The following GREB1L variants were observed in gnomAD, a reference collection of about 807,000 sequenced individuals.
The protein encoded by GREB1L is GREB1-like protein.
Under a neutral mutation model 200.8 loss-of-function variants are expected in GREB1L, and 17 were observed. The observed-to-expected ratio is 0.08, with a 90% CI of 0.06 to 0.13. The LOEUF (loss-of-function observed/expected upper bound fraction) is 0.13, where lower values mean the gene tolerates loss of function less well. GREB1L is among the 10% of genes least tolerant of loss of function. The pLI is 1.00. For synonymous variants in GREB1L, 789 were observed against 893.0 expected, an observed-to-expected ratio of 0.88 and a Z score of 2.08; for missense variants, 1,657 against 2,367.7, an observed-to-expected ratio of 0.70 and a Z score of 6.23.
chr18:21,521,794 A>G (rs143338396), intron 32 of GREB1L, among the ~76,000 whole-genome samples: 82 of 151,726 alleles, frequency 5.4e-4, no homozygotes, highest in African/African-American at 2.0e-3. Flanking sequence ...GGCTGAGCTC[A>G]GGAGTTTGAG....
At chr18:21,425,551 C>T (rs538790316) in intron 7 of GREB1L, among the ~76,000 whole-genome samples, 11 of 152,336 alleles carry the variant, frequency 7.2e-5, no homozygotes, top group Admixed American at 5.2e-4. Flanking sequence ...CTTACCAACA[C>T]TTGTTAATGT....
At chr18:21,469,639 G>A (rs2035403588) in intron 15 of GREB1L, among the ~76,000 whole-genome samples, 1 of 152,130 alleles carries the variant, frequency 6.6e-6, no homozygotes, top group Non-Finnish European at 1.5e-5. Flanking sequence ...AGCAGACAGA[G>A]CTAGGAAATG....
intron 16 of GREB1L, among the ~76,000 whole-genome samples, chr18:21,475,160 G>A (rs1369990263): frequency 6.6e-6 from 1 of 152,136 alleles, no homozygotes; most frequent in East Asian, 1.9e-4. Flanking sequence ...ATGAGCTCCT[G>A]GAAGGGAGAT....
Position 21,518,133 on chromosome 18 carries a change from A to G in GREB1L, c.5371A>G (p.Lys1791Glu), listed in dbSNP as rs1278008966. ...LAAPAQFLLE[K>E]FLQHASYKLF... ...AGCCCCTGCACAGTTTCTCCTGGAG[A>G]AATTCCTTCAGCACGCCTCATATAA... The change falls in exon 31 of 33, where the codon AAA becomes GAA. Residue 1791 changes from lysine (K) to glutamate (E), a missense_variant. Lys to Glu is a moderately conservative substitution (Grantham distance 56). Transcript: ENST00000424526. The G allele has an allele frequency of 6.4e-7, 1 of 1,551,670 alleles. No homozygotes were observed. The highest frequency in any genetic ancestry group is 2.0e-5 in the Admixed American group (1 of 50,992).
intron 1 of GREB1L, among the ~76,000 whole-genome samples, chr18:21,328,169 G>C (rs542671682): frequency 6.6e-6 from 1 of 150,420 alleles, no homozygotes; most frequent in African/African-American, 2.5e-5. Context: ...TCCTGATTCA[G>C]TGCCATTGCC....
At chr18:21,468,679 G>A (rs570529613) in intron 15 of GREB1L, 5 of 456,242 alleles carry the variant, frequency 1.1e-5, no homozygotes, top group East Asian at 6.9e-5. Flanking sequence ...TACTGTTAAC[G>A]AAAGATCTCA....
intron 2 of GREB1L, among the ~76,000 whole-genome samples, chr18:21,376,855 A>G (rs541528911): frequency 1.3e-5 from 2 of 151,060 alleles, no homozygotes; most frequent in Non-Finnish European, 2.9e-5. Context: ...TGTAATTTCC[A>G]GTATATACTT....
chr18:21,278,388 A>AAAT (rs1555624386), intron 1 of GREB1L, among the ~76,000 whole-genome samples: 13 of 138,398 alleles, frequency 9.4e-5, no homozygotes, highest in African/African-American at 3.9e-4. Flanking sequence ...CTCAAAAAAA[A>AAAT]AAAATAAATA....
chr18:21,306,020 T>C (rs2038693538), intron 1 of GREB1L, among the ~76,000 whole-genome samples: 1 of 152,206 alleles, frequency 6.6e-6, no homozygotes, highest in African/African-American at 2.4e-5. Flanking sequence ...TGTGTTAATT[T>C]TTATCCCATT....
At chr18:21,504,770 A>G (rs775929412) in intron 23 of GREB1L, among the ~76,000 whole-genome samples, 69 of 152,174 alleles carry the variant, frequency 4.5e-4, no homozygotes, top group Non-Finnish European at 3.7e-4. Flanking sequence ...TTGAGGCTGC[A>G]TTAATGCTTA....
At chr18:21,283,404 A>G (rs1363480041) in intron 1 of GREB1L, among the ~76,000 whole-genome samples, 3 of 152,220 alleles carry the variant, frequency 2.0e-5, no homozygotes, top group Non-Finnish European at 4.4e-5. Flanking sequence ...AAATTCCCAA[A>G]TGAAGAGGTG....
intron 1 of GREB1L, among the ~76,000 whole-genome samples, chr18:21,309,951 A>C (rs1430390583): frequency 6.6e-6 from 1 of 152,106 alleles, no homozygotes; most frequent in African/African-American, 2.4e-5. Flanking sequence ...AAATCTCAAT[A>C]GTTCTAAGGT....
intron 27 of GREB1L, 51 bp from the exon 28 acceptor site, chr18:21,513,770 G>A: frequency 6.6e-7 from 1 of 1,518,706 alleles, no homozygotes; most frequent in Admixed American, 2.0e-5. Context: ...CTTCAGCCAA[G>A]CCTGAGTGAA....
In GREB1L at chr18:21,366,058, TAGGCAAC is replaced by T. The variant is rs1392926097; in HGVS notation, c.-85_-79del. 6.6e-6 allele frequency: 1 copy of T among 152,202 alleles called. No individual in the cohort carries two copies. The highest frequency in any genetic ancestry group is 1.5e-5 in the Non-Finnish European group (1 of 68,016). The allele number at this position is 152,202 out of a possible 1,614,324, so 9.4% of individuals were successfully genotyped here. A position where few individuals can be genotyped will look rare whatever the true frequency, so the allele number is the denominator to read the frequency against. The stretch of plus-strand genomic sequence containing the variant: ...AAAAAGCTTTAAACAAGTTAAAATC[TAGGCAAC>T]AGACTCCCTGAAGTGTTGACTGCCC... On this transcript the variant is annotated 5_prime_UTR_variant, in exon 2 of 33. Transcript: ENST00000424526.
intron 9 of GREB1L, 43 bp from the exon 10 acceptor site, chr18:21,441,357 T>C: frequency 6.8e-7 from 1 of 1,481,266 alleles, no homozygotes; most frequent in East Asian, 2.5e-5. Flanking sequence ...GTATTTCATT[T>C]AGTTTTCACG....
chr18:21,443,435 G>A (rs981673517), intron 10 of GREB1L, among the ~76,000 whole-genome samples: 1 of 152,106 alleles, frequency 6.6e-6, no homozygotes, highest in African/African-American at 2.4e-5. Context: ...TCAAACTCCC[G>A]ACCTCAGGTG....
At chr18:21,350,630 GA>G (rs2143280475) in intron 1 of GREB1L, among the ~76,000 whole-genome samples, 1 of 152,278 alleles carries the variant, frequency 6.6e-6, no homozygotes, top group Non-Finnish European at 1.5e-5. Context: ...ACACAAAAAT[GA>G]TGTTTCCTAG....
chr18:21,347,760 AC>A, intron 1 of GREB1L, among the ~76,000 whole-genome samples: 1 of 100,218 alleles, frequency 1.0e-5, no homozygotes. Context: ...CAGCCCCCCG[AC>A]CTTTTTTTTT....
chr18:21,383,715 T>C (rs1425312321), intron 3 of GREB1L, 40 bp downstream of exon 3: 4 of 1,540,644 alleles, frequency 2.6e-6, no homozygotes, highest in Admixed American at 2.0e-5. Flanking sequence ...ATTCTTTTTT[T>C]TTGTTTTGTT....
Sources: gnomAD v4.1 joint callset for allele counts (sites outside exome capture counted in the v4.1 genomes callset) on GRCh38, gnomAD v4.1.1 for gene constraint, MANE v1.5 for transcripts, NCBI Gene and HGNC (gene_info 2026-07-23, HGNC 2026-07-21) for gene names.